PABIR3: variants seen among roughly 807,000 people sequenced by gnomAD.
PABIR3 encodes PABIR family member 3.
Under a neutral mutation model 23.1 loss-of-function variants are expected in PABIR3, and 20 were observed. The ratio of observed to expected loss-of-function variants is 0.86; its 90% CI spans 0.61 to 1.26. The LOEUF (loss-of-function observed/expected upper bound fraction) is 1.26, where lower values mean the gene tolerates loss of function less well. Ranked by LOEUF, PABIR3 falls within the 50% of genes most tolerant of loss-of-function variation. The pLI is 0.00. For missense variants in PABIR3, 189 were observed against 195.4 expected (o/e 0.97, Z 0.20); for synonymous variants, 69 against 68.5 (o/e 1.01, Z -0.04).
chrX:134,812,261 A>G (rs2080718498), intron 2 of PABIR3, among the ~76,000 whole-genome samples: 1 of 112,215 alleles, frequency 8.9e-6, no homozygotes, highest in African/African-American at 3.2e-5. Flanking sequence ...ATTGGCAAAC[A>G]AATTTAGGGT....
At chrX:134,838,649 CCCCTCCCCCT>C in intron 4 of PABIR3, 1 of 12,888 alleles carries the variant, frequency 7.8e-5, no homozygotes, top group African/African-American at 5.0e-4. Flanking sequence ...TCTCCCTCTC[CCCCTCCCCCT>C]CCCCCCTCCC....
the PABIR3 span, among the ~76,000 whole-genome samples, chrX:134,864,436 T>C: frequency 8.9e-6 from 1 of 112,121 alleles, no homozygotes; most frequent in Admixed American, 9.5e-5. Context: ...ACAGAAAATG[T>C]CCACTGCCCC....
intron 4 of PABIR3, among the ~76,000 whole-genome samples, chrX:134,843,918 C>CTTTTTT (rs1196514400): frequency 4.2e-4 from 28 of 66,023 alleles, no homozygotes; most frequent in African/African-American, 6.1e-4. Flanking sequence ...TATGCATGTT[C>CTTTTTT]TTTTTTTTTT....
intron 10 of PABIR3, among the ~76,000 whole-genome samples, chrX:134,853,818 C>T (rs1384953934): frequency 1.8e-5 from 2 of 110,520 alleles, no homozygotes; most frequent in African/African-American, 6.6e-5. Context: ...TGGGGTTTCA[C>T]CTTATTGGTC....
chrX:134,842,038 G>A (rs777450354), intron 4 of PABIR3, among the ~76,000 whole-genome samples: 1 of 110,524 alleles, frequency 9.0e-6, no homozygotes, highest in Non-Finnish European at 1.9e-5. Flanking sequence ...GGGGTAAAGT[G>A]GCATCTCATT....
In PABIR3 at chrX:134,843,653, C is replaced by T. The variant is rs755816243; in HGVS notation, c.247-1552C>T. On this transcript the variant is annotated intron_variant, in intron 4 of 10. Coordinates refer to ENST00000645433, the MANE Select transcript of PABIR3 (RefSeq NM_001388447.1). ...CGTGATCTCGGCTCACTGCAAGCTC[C>T]GCCTCCCGGGTTCACGCAATTCTCC... Among the ~76,000 whole-genome samples the T allele has an allele frequency of 2.5e-3, 259 of 103,739 alleles. 1 individual carries two copies. Among genetic ancestry groups the T allele is most frequent in the African/African-American group, 8.8e-3 (249 of 28,405 alleles). The allele number at this position is 103,739 out of a possible 115,157, so 90.1% of individuals were successfully genotyped here.
At chrX:134,815,180 CT>C (rs2080906033) in intron 3 of PABIR3, among the ~76,000 whole-genome samples, 1 of 109,652 alleles carries the variant, frequency 9.1e-6, no homozygotes, top group Non-Finnish European at 1.9e-5. Flanking sequence ...ATAAGACCAT[CT>C]GGTTTCCCTT....
chrX:134,855,278 C>CA (rs1157962532), downstream of PABIR3, among the ~76,000 whole-genome samples: 2 of 109,206 alleles, frequency 1.8e-5, no homozygotes, highest in Non-Finnish European at 3.8e-5. Context: ...ACTAAAAACA[C>CA]AAAAAATTAG....
At chrX:134,825,870 T>G (rs1277881499) in intron 3 of PABIR3, among the ~76,000 whole-genome samples, 3 of 100,810 alleles carry the variant, frequency 3.0e-5, no homozygotes, top group Non-Finnish European at 6.0e-5. Context: ...GAGATGGGGT[T>G]TCACCATGTT....
At chrX:134,843,590 CG>C (rs1339161411) in intron 4 of PABIR3, among the ~76,000 whole-genome samples, 1 of 72,557 alleles carries the variant, frequency 1.4e-5, no homozygotes, top group Non-Finnish European at 2.4e-5. Flanking sequence ...TTTTTTGAGA[CG>C]GAGTCTCGCT....
chrX:134,828,047 CTATATATATA>C (rs61129426), intron 3 of PABIR3, among the ~76,000 whole-genome samples: 1 of 49,420 alleles, frequency 2.0e-5, no homozygotes, highest in Non-Finnish European at 3.4e-5. Context: ...CTCTCTCTCT[CTATATATATA>C]TATATATATA....
chrX:134,858,372 A>C (rs886877973), downstream of PABIR3, among the ~76,000 whole-genome samples: 9 of 111,784 alleles, frequency 8.1e-5, no homozygotes, highest in African/African-American at 2.9e-4. Context: ...AGCTATTAAA[A>C]GCACATGAGT....
chrX:134,802,157 CA>C lies in PABIR3; in HGVS notation c.-97-1943del, dbSNP rs764297999. ...GGAGTGCAGTGGTGGGATCTCGGCT[CA>C]CTGCAACCTCCGCCTCCCAGGTTCA... On this transcript the variant is annotated intron_variant, in intron 1 of 4. Coordinates refer to the PABIR3 transcript ENST00000414371. Among the ~76,000 whole-genome samples, 3 of 109,504 alleles carry C rather than the reference CA, an allele frequency of 2.7e-5. No individual in the cohort carries two copies. In the Admixed American group the frequency reaches 2.9e-4, roughly 11 times the overall value.
chrX:134,799,217 A>T (rs1569440492), intron 1 of PABIR3, among the ~76,000 whole-genome samples: 1 of 112,230 alleles, frequency 8.9e-6, no homozygotes, highest in Non-Finnish European at 1.9e-5. Context: ...TCAAGATGAA[A>T]TATTTTAGCA....
chrX:134,823,758 T>C lies in PABIR3; in HGVS notation c.190-5468T>C, dbSNP rs993706595. 8.1e-5 allele frequency among the ~76,000 whole-genome samples: 9 copies of C among 111,103 alleles called. No individual in the cohort carries two copies. In the Admixed American group the frequency reaches 8.8e-4, roughly 11 times the overall value. ...CACTGAGGAAGAATCTCCAACACTGTATAAATCACAATGTTTTCTGCTTGC... is the reference window on the plus strand; with the variant it reads ...CACTGAGGAAGAATCTCCAACACTGCATAAATCACAATGTTTTCTGCTTGC... On this transcript the variant is annotated intron_variant, in intron 3 of 10. Transcript: ENST00000645433.
chrX:134,851,536 G>GAAAAAAAAAAAA (rs758441936), intron 9 of PABIR3, among the ~76,000 whole-genome samples: 1 of 87,916 alleles, frequency 1.1e-5, no homozygotes. Context: ...ACTCTGTCTG[G>GAAAAAAAAAAAA]AAAAAAAAAA....
chrX:134,857,102 CATTAG>C (rs1173567850), downstream of PABIR3, among the ~76,000 whole-genome samples: 1 of 112,169 alleles, frequency 8.9e-6, no homozygotes, highest in African/African-American at 3.2e-5. Context: ...GAAGGACATG[CATTAG>C]TTTCCCAGGG....
chrX:134,841,959 C>T (rs1237395038), intron 4 of PABIR3, among the ~76,000 whole-genome samples: 3 of 112,115 alleles, frequency 2.7e-5, no homozygotes, highest in Non-Finnish European at 5.6e-5. Flanking sequence ...TGCACTCCAG[C>T]CTGTGTGACA....
At chrX:134,810,406 A>AGGAG (rs1322812497) in intron 2 of PABIR3, 2 of 753,308 alleles carry the variant, frequency 2.7e-6, no homozygotes, top group African/African-American at 4.6e-5. Context: ...GGTCACTAGC[A>AGGAG]TATTTCTGTA....
Sources: allele counts gnomAD v4.1 joint callset (sites outside exome capture counted in the v4.1 genomes callset), GRCh38; gene constraint gnomAD v4.1.1; transcripts MANE v1.5; gene names NCBI Gene and HGNC (gene_info 2026-07-23, HGNC 2026-07-21).